Variants in NAV3 observed in about 807,000 individuals in gnomAD.
NAV3 encodes neuron navigator 3.
In NAV3, 87 loss-of-function variants were observed where a neutral mutation model predicts 244.7. That is an observed-to-expected ratio of 0.36 (90% CI 0.30 to 0.42). The LOEUF (loss-of-function observed/expected upper bound fraction) is 0.42, where lower values mean the gene tolerates loss of function less well. Among genes scored for constraint, NAV3 ranks in the 20% least tolerant of loss-of-function variants. The pLI is 1.00. For synonymous variants in NAV3, 1,126 were observed against 1,042.2 expected (o/e 1.08, Z -1.55); for missense variants, 2,663 against 2,893.3 (o/e 0.92, Z 1.83).
chr12:77,778,722 A>G (rs561602499), intron 2 of NAV3, among the ~76,000 whole-genome samples: 10 of 152,296 alleles, frequency 6.6e-5, no homozygotes, highest in Non-Finnish European at 1.2e-4. Context: ...TCTATTAGTC[A>G]AATGGAAAAT....
intron 2 of NAV3, among the ~76,000 whole-genome samples, chr12:77,757,608 A>G (rs1378773807): frequency 6.6e-6 from 1 of 152,202 alleles, no homozygotes; most frequent in Non-Finnish European, 1.5e-5. Context: ...AATAATTTTT[A>G]TAATGTTTTC....
chr12:78,189,387 T>C (rs1018236700), intron 33 of NAV3, among the ~76,000 whole-genome samples: 1 of 151,836 alleles, frequency 6.6e-6, no homozygotes, highest in Non-Finnish European at 1.5e-5. Flanking sequence ...ATGATGAAGG[T>C]AATTGAGTTC....
chr12:77,593,492 C>T (rs765408663), intron 2 of NAV3, among the ~76,000 whole-genome samples: 1 of 151,274 alleles, frequency 6.6e-6, no homozygotes, highest in African/African-American at 2.4e-5. Context: ...ACTCTGTTGC[C>T]AGGCTAGAGT....
In NAV3 at chr12:77,672,786, C is replaced by A. The variant is rs557858409; in HGVS notation, c.72+100520C>A. Among the ~76,000 whole-genome samples, 6 of 151,854 alleles carry A rather than the reference C, an allele frequency of 4.0e-5. No individual in the cohort carries two copies. In the East Asian group the frequency reaches 9.7e-4, roughly 24 times the overall value. Reference sequence around the variant, plus strand: ...ATCTCAGAAATCACGACTAAAGAACCTGTTCCCTAAAAACTTATTGAAATA... The same window carrying A: ...ATCTCAGAAATCACGACTAAAGAACATGTTCCCTAAAAACTTATTGAAATA... On this transcript the variant is annotated intron_variant, in intron 2 of 8. Coordinates refer to the NAV3 transcript ENST00000550042.
intron 12 of NAV3, 87 bp downstream of exon 12, chr12:78,059,202 G>A: frequency 2.6e-6 from 3 of 1,166,252 alleles, no homozygotes; most frequent in Non-Finnish European, 3.6e-6. Context: ...ATTAAACAGT[G>A]TAAATCAAAG....
intron 9 of NAV3, 36 bp from the exon 10 acceptor site, chr12:78,049,957 G>T (rs1882486638): frequency 6.8e-7 from 1 of 1,468,916 alleles, no homozygotes; most frequent in Non-Finnish European, 9.4e-7. Flanking sequence ...GATACTAAAT[G>T]TCATGAATAG....
rs1328309425 is a variant in NAV3 at position 77,998,340 on chromosome 12, T to C, written c.744T>C (p.Leu248=). ...AATTTTTCTTATACTATTTCAGGCT[T>C]CCAGGGCCCTCTAGGGTGCCTGCTG... ...IATSQKKPTR[L]PGPSRVPAAG... is the part of the protein sequence containing the mutation. Residue 248 remains leucine, a synonymous_variant, in exon 7 of 40, where the codon CTT becomes CTC. Coordinates refer to ENST00000397909, the MANE Select transcript of NAV3 (RefSeq NM_001024383.2). 6.4e-7 allele frequency: 1 copy of C among 1,562,934 alleles called. No homozygotes were observed. The highest frequency in any genetic ancestry group is 2.1e-5 in the Admixed American group (1 of 47,728).
chr12:78,120,063 T>TATAC, intron 15 of NAV3, 118 bp downstream of exon 15: 3 of 496,594 alleles, frequency 6.0e-6, no homozygotes, highest in Non-Finnish European at 6.0e-6. Context: ...TATATATATA[T>TATAC]CTTAGAATTC....
At chr12:78,179,179 G>T (rs1593927636) in intron 28 of NAV3, among the ~76,000 whole-genome samples, 2 of 151,926 alleles carry the variant, frequency 1.3e-5, no homozygotes, top group Admixed American at 1.3e-4. Context: ...GCAAATAGAG[G>T]TTTAAGTCCC....
intron 1 of NAV3, among the ~76,000 whole-genome samples, chr12:77,847,505 A>G (rs1123680): frequency 0.19 from 28,977 of 152,104 alleles, 3,456 homozygotes; most frequent in Admixed American, 0.27. Context: ...ATGAAATCCA[A>G]CTGAAAGCAA....
At chr12:77,858,840 T>C (rs1878780318) in intron 1 of NAV3, among the ~76,000 whole-genome samples, 1 of 152,064 alleles carries the variant, frequency 6.6e-6, no homozygotes, top group African/African-American at 2.4e-5. Context: ...CCAAACAAAA[T>C]CTAACAAAGT....
At chr12:77,852,365 T>C (rs1877662987) in intron 1 of NAV3, among the ~76,000 whole-genome samples, 2 of 152,038 alleles carry the variant, frequency 1.3e-5, no homozygotes, top group African/African-American at 4.8e-5. Context: ...TGAAACCCCA[T>C]CTCTACTAAA....
chr12:77,901,069 A>G (rs1422824710), intron 1 of NAV3, among the ~76,000 whole-genome samples: 1 of 152,036 alleles, frequency 6.6e-6, no homozygotes, highest in East Asian at 1.9e-4. Flanking sequence ...CAACTTTTTA[A>G]TGAGGTTATT....
At chr12:78,004,986 C>G (rs1489038270) in intron 7 of NAV3, among the ~76,000 whole-genome samples, 3 of 152,148 alleles carry the variant, frequency 2.0e-5, no homozygotes, top group Non-Finnish European at 2.9e-5. Flanking sequence ...CTATAGCAGT[C>G]TTCTAGCTAA....
intron 5 of NAV3, among the ~76,000 whole-genome samples, chr12:77,987,616 T>A (rs1417653530): frequency 6.6e-6 from 1 of 152,088 alleles, no homozygotes; most frequent in African/African-American, 2.4e-5. Context: ...GTTTAGTTAC[T>A]GAACACATAC....
intron 2 of NAV3, among the ~76,000 whole-genome samples, chr12:77,760,516 G>A (rs1263377237): frequency 6.6e-6 from 1 of 152,146 alleles, no homozygotes; most frequent in East Asian, 1.9e-4. Flanking sequence ...GTTTGAAAAG[G>A]CATCTGTAGC....
intron 1 of NAV3, among the ~76,000 whole-genome samples, chr12:77,920,682 A>G (rs904979689): frequency 1.3e-5 from 2 of 152,074 alleles, no homozygotes; most frequent in Non-Finnish European, 2.9e-5. Flanking sequence ...TGGTTCATGT[A>G]GGCGAATATT....
rs182602045 is a variant in NAV3 at position 77,833,718 on chromosome 12, C to T, written c.243+2014C>T. On this transcript the variant is annotated intron_variant, in intron 1 of 39. Transcript: ENST00000397909. Reference sequence around the variant, plus strand: ...GTTCTCGCCTTGGTTCCGGAAAAATCGAGTCACATGTGGGCTTGGAGGATG... The same window carrying T: ...GTTCTCGCCTTGGTTCCGGAAAAATTGAGTCACATGTGGGCTTGGAGGATG... Among the ~76,000 whole-genome samples the T allele has an allele frequency of 2.3e-4, 35 of 152,296 alleles. No homozygotes were observed. The East Asian group carries it at 6.6e-3, about 29-fold the overall frequency.
intron 2 of NAV3, among the ~76,000 whole-genome samples, chr12:77,649,704 G>C (rs531974381): frequency 6.6e-6 from 1 of 152,088 alleles, no homozygotes; most frequent in African/African-American, 2.4e-5. Context: ...TGAGCAGTTA[G>C]TCTTGACAAA....
Sources: allele counts gnomAD v4.1 joint callset (sites outside exome capture counted in the v4.1 genomes callset), GRCh38; gene constraint gnomAD v4.1.1; transcripts MANE v1.5; gene names NCBI Gene and HGNC (gene_info 2026-07-23, HGNC 2026-07-21).